The following EXOC3L2 variants were observed in gnomAD, a reference collection of about 807,000 sequenced individuals.
The protein encoded by EXOC3L2 is exocyst complex component 3 like 2, also known as exocyst complex component 3-like protein 2.
EXOC3L2 carries 17 observed loss-of-function variants against 44.4 expected under a neutral mutation model. That is an observed-to-expected ratio of 0.38 (90% CI 0.26 to 0.57). The LOEUF (loss-of-function observed/expected upper bound fraction) is 0.57. Among genes scored for constraint, EXOC3L2 ranks in the 20% least tolerant of loss-of-function variants. The probability of loss-of-function intolerance (pLI) is 0.65; values close to 1 mark genes in which losing one functional copy is unlikely to be tolerated. For synonymous variants in EXOC3L2, 256 were observed against 253.7 expected (o/e 1.01, Z -0.09); for missense variants, 541 against 588.4 (o/e 0.92, Z 0.83).
chr19:45,226,555 G>T (rs8112342), intron 7 of EXOC3L2, among the ~76,000 whole-genome samples: 12,882 of 151,906 alleles, frequency 0.085, 739 homozygotes, highest in African/African-American at 0.16. Flanking sequence ...TCCTGCCTCA[G>T]CTTCCTGAGT....
chr19:45,229,250 A>G (rs1246404777), intron 4 of EXOC3L2, among the ~76,000 whole-genome samples: 2 of 110,228 alleles, frequency 1.8e-5, no homozygotes, highest in African/African-American at 3.6e-5. Flanking sequence ...TTAAATATAT[A>G]CATATATTTA....
intron 8 of EXOC3L2, among the ~76,000 whole-genome samples, chr19:45,221,079 A>G (rs921071854): frequency 2.6e-5 from 4 of 151,962 alleles, no homozygotes; most frequent in Admixed American, 1.3e-4. Context: ...GGGTAGACAC[A>G]GGGCATGTGA....
chr19:45,216,515 G>A (rs1455137076), intron 10 of EXOC3L2, among the ~76,000 whole-genome samples: 1 of 152,084 alleles, frequency 6.6e-6, no homozygotes, highest in Non-Finnish European at 1.5e-5. Flanking sequence ...AGAGGCAGAG[G>A]TTACAGTGAG....
intron 11 of EXOC3L2, among the ~76,000 whole-genome samples, chr19:45,214,522 T>C (rs1459686562): frequency 6.6e-6 from 1 of 152,072 alleles, no homozygotes; most frequent in Non-Finnish European, 1.5e-5. Context: ...TGGAGTGCAG[T>C]GGCGCGATCT....
chr19:45,230,152 CT>C, intron 4 of EXOC3L2, among the ~76,000 whole-genome samples: 1 of 151,990 alleles, frequency 6.6e-6, no homozygotes, highest in African/African-American at 2.4e-5. Context: ...TCTTGAGTAG[CT>C]GAGACTACAG....
intron 8 of EXOC3L2, among the ~76,000 whole-genome samples, chr19:45,224,477 G>A (rs1969933289): frequency 6.6e-6 from 1 of 152,072 alleles, no homozygotes; most frequent in Non-Finnish European, 1.5e-5. Context: ...ACGAGGACCA[G>A]GAGATGGGTG....
intron 3 of EXOC3L2, among the ~76,000 whole-genome samples, chr19:45,233,475 G>C (rs1970051110): frequency 6.6e-6 from 1 of 152,136 alleles, no homozygotes; most frequent in African/African-American, 2.4e-5. Context: ...GGGTCAGTGG[G>C]GCTATGGTTC....
At chr19:45,221,967 C>T (rs1405793008) in intron 8 of EXOC3L2, among the ~76,000 whole-genome samples, 1 of 150,818 alleles carries the variant, frequency 6.6e-6, no homozygotes, top group Non-Finnish European at 1.5e-5. Flanking sequence ...TTTTCTGAAC[C>T]TCCAAAAATG....
At position 45,224,849 on chromosome 19, in the gene EXOC3L2, C is replaced by T. The variant is rs750711312; in HGVS notation, c.1648G>A (p.Ala550Thr). 6.3e-7 allele frequency: 1 copy of T among 1,591,138 alleles called. No individual in the cohort carries two copies. The change falls in exon 8 of 12, where the codon GCT (alanine) becomes ACT (threonine). Residue 550 changes from alanine to threonine, a missense_variant. Physicochemically the swap from Ala to Thr is moderately conservative, Grantham distance 58. Transcript: ENST00000413988. Reference protein sequence around the residue: ...PESEPAREASASALDHVTRLC... With the variant: ...PESEPAREASTSALDHVTRLC... ...CGGGTCACATGGTCCAGAGCACTAG[C>T]AGATGCTTCCCGGGCCGGCTCGCTT... is the stretch of plus-strand genomic sequence containing the variant.
rs1599759830 is a variant in EXOC3L2, at chr19:45,216,165, C to T, written c.2028G>A (p.Val676=). The change falls in exon 11 of 12, where the codon GTG becomes GTA. Residue 676 remains valine (V), a synonymous_variant. Transcript: ENST00000413988. ...LESQASWLDA[V]VPHLAEVMQL... ...GCATGACTTCAGCCAAATGGGGCAC[C>T]ACGGCATCCAGCCACGAGGCCTGGG... The T allele has an allele frequency of 6.2e-7, 1 of 1,613,846 alleles. No individual in the cohort carries two copies. The highest frequency in any genetic ancestry group is 8.5e-7 in the Non-Finnish European group (1 of 1,179,962).
chr19:45,224,412 AC>A (rs1387808030), intron 8 of EXOC3L2, among the ~76,000 whole-genome samples: 3 of 149,908 alleles, frequency 2.0e-5, no homozygotes, highest in African/African-American at 7.4e-5. Context: ...CAGTGCTCCC[AC>A]CCCCCTACCA....
intron 8 of EXOC3L2, among the ~76,000 whole-genome samples, chr19:45,221,625 G>C (rs1969899061): frequency 6.7e-6 from 1 of 148,960 alleles, no homozygotes; most frequent in African/African-American, 2.5e-5. Context: ...ATAGGTGTGA[G>C]CCACTGTGCC....
intron 4 of EXOC3L2, 93 bp downstream of exon 4, chr19:45,231,669 AG>A (rs1970033071): frequency 1.9e-6 from 2 of 1,079,740 alleles, no homozygotes; most frequent in East Asian, 2.4e-5. Context: ...GGAGTTGGAA[AG>A]AGTGAAAGGT....
chr19:45,224,761 C>T lies in EXOC3L2; in HGVS notation c.1719+17G>A. 2 of 1,546,968 alleles carry T rather than the reference C, an allele frequency of 1.3e-6. No homozygotes were observed. Among genetic ancestry groups the T allele is most frequent in the Non-Finnish European group, 1.7e-6 (2 of 1,144,674 alleles). On this transcript the variant is annotated intron_variant, in intron 8 of 11. Transcript: ENST00000413988. ...GTCCTGGCATGGGCCCCAACCCTGG[C>T]CTCCCACCTCACTCACCTGCAGCTC... is the stretch of plus-strand genomic sequence containing the variant.
chr19:45,233,911 T>C (rs1358522450), intron 3 of EXOC3L2, among the ~76,000 whole-genome samples: 4 of 152,080 alleles, frequency 2.6e-5, no homozygotes, highest in African/African-American at 9.7e-5. Flanking sequence ...AGAGTGTAAG[T>C]GTTGACAGAG....
intron 11 of EXOC3L2, among the ~76,000 whole-genome samples, chr19:45,213,772 C>T (rs886288943): frequency 1.3e-5 from 2 of 151,522 alleles, no homozygotes; most frequent in African/African-American, 4.9e-5. Flanking sequence ...TGGCGAAACC[C>T]TCTCTCTACT....
chr19:45,241,456 C>T (rs1352551655), intron 1 of EXOC3L2, among the ~76,000 whole-genome samples: 4 of 138,786 alleles, frequency 2.9e-5, no homozygotes, highest in Middle Eastern at 4.1e-3. Flanking sequence ...CCAGCCTGGG[C>T]GACAGAGCAA....
rs1329264277 is a variant in EXOC3L2, at chr19:45,213,185, G to A, written c.2293C>T (p.Leu765Phe). ...CGGCCCAGGAAGAGAGGGAGGCTGA[G>A]ACAGAAAGATGGGCGGGGCACAGGG... ...DIPVPRPSFC[L>F]SLPLFLGRLP... is the part of the protein sequence containing the mutation. The change falls in exon 12 of 12, where the codon CTC (leucine) becomes TTC (phenylalanine). Residue 765 changes from leucine to phenylalanine, a missense_variant. Transcript: ENST00000413988. 6.2e-7 allele frequency: 1 copy of A among 1,606,350 alleles called. No individual in the cohort carries two copies. The highest frequency in any genetic ancestry group is 1.3e-5 in the African/African-American group (1 of 74,778).
intron 2 of EXOC3L2, among the ~76,000 whole-genome samples, chr19:45,236,200 G>A (rs2122988791): frequency 6.6e-6 from 1 of 152,120 alleles, no homozygotes; most frequent in Non-Finnish European, 1.5e-5. Context: ...GGCCGAGTGC[G>A]GTGGCTCATG....
Sources: allele counts gnomAD v4.1 joint callset (sites outside exome capture counted in the v4.1 genomes callset), GRCh38; gene constraint gnomAD v4.1.1; transcripts MANE v1.5; gene names NCBI Gene and HGNC (gene_info 2026-07-23, HGNC 2026-07-21).